The following ZNF385D variants were observed in gnomAD, a reference collection of about 807,000 sequenced individuals.
The protein encoded by ZNF385D is zinc finger protein 385D.
ZNF385D carries 15 observed loss-of-function variants against 35.8 expected under a neutral mutation model. The observed-to-expected ratio is 0.42, with a 90% CI of 0.28 to 0.64. The LOEUF is 0.64. ZNF385D is among the 30% of genes least tolerant of loss of function. The pLI is 0.23. For synonymous variants in ZNF385D, 212 were observed against 186.8 expected (o/e 1.13, Z -1.10); for missense variants, 474 against 494.6 (o/e 0.96, Z 0.39).
chr3:22,201,047 G>A (rs1210921685), intron 2 of ZNF385D, among the ~76,000 whole-genome samples: 1 of 151,944 alleles, frequency 6.6e-6, no homozygotes, highest in East Asian at 1.9e-4. Flanking sequence ...CTCCTCAGCT[G>A]ACAAGATTAA....
intron 3 of ZNF385D, among the ~76,000 whole-genome samples, chr3:22,115,484 A>G (rs1702759185): frequency 6.6e-6 from 1 of 152,046 alleles, no homozygotes; most frequent in Non-Finnish European, 1.5e-5. Flanking sequence ...TCTCACCTTT[A>G]ATTTTATAGA....
intron 3 of ZNF385D, among the ~76,000 whole-genome samples, chr3:21,972,437 T>C (rs1703314788): frequency 6.6e-6 from 1 of 151,848 alleles, no homozygotes; most frequent in Non-Finnish European, 1.5e-5. Context: ...GCAAAAGCAG[T>C]ACTAAGAGGA....
intron 2 of ZNF385D, among the ~76,000 whole-genome samples, chr3:22,354,035 C>CT (rs113069185): frequency 0.057 from 8,694 of 151,924 alleles, 365 homozygotes; most frequent in South Asian, 0.12. Context: ...GCATTATCTT[C>CT]TTTTTTTTGG....
intron 3 of ZNF385D, among the ~76,000 whole-genome samples, chr3:22,128,962 T>C (rs766811103): frequency 6.6e-6 from 1 of 152,154 alleles, no homozygotes; most frequent in African/African-American, 2.4e-5. Context: ...CCTGTCCTAC[T>C]TGAGAAGGTT....
intron 2 of ZNF385D, among the ~76,000 whole-genome samples, chr3:22,236,417 A>G (rs974100233): frequency 2.0e-5 from 3 of 152,084 alleles, no homozygotes; most frequent in Non-Finnish European, 4.4e-5. Context: ...CTGCAGCCTC[A>G]AACTCCTGGC....
intron 4 of ZNF385D, among the ~76,000 whole-genome samples, chr3:21,437,422 A>G (rs1002963638): frequency 1.3e-5 from 2 of 152,060 alleles, no homozygotes; most frequent in Non-Finnish European, 2.9e-5. Context: ...ATTCTTGAAC[A>G]TCAATATAAA....
chr3:22,178,698 C>T (rs1448137419), intron 2 of ZNF385D, among the ~76,000 whole-genome samples: 1 of 152,130 alleles, frequency 6.6e-6, no homozygotes, highest in African/African-American at 2.4e-5. Context: ...AGGTTTTCTT[C>T]TAGGGTTTTT....
chr3:22,322,570 C>A (rs371454682), intron 2 of ZNF385D, among the ~76,000 whole-genome samples: 1 of 152,162 alleles, frequency 6.6e-6, no homozygotes, highest in African/African-American at 2.4e-5. Context: ...GCCCTTTTAA[C>A]CTGCCCAATC....
chr3:21,453,794 A>C (rs1002332063), intron 4 of ZNF385D, among the ~76,000 whole-genome samples: 6 of 152,048 alleles, frequency 3.9e-5, no homozygotes, highest in African/African-American at 1.4e-4. Flanking sequence ...CTGTGGAAAA[A>C]TTTAGTAGCT....
chr3:22,046,999 GATTA>G (rs944614095), intron 3 of ZNF385D, among the ~76,000 whole-genome samples: 4 of 152,044 alleles, frequency 2.6e-5, no homozygotes, highest in Non-Finnish European at 4.4e-5. Context: ...ACATATTTTT[GATTA>G]ATTTTCAGGT....
In ZNF385D at chr3:22,340,343, T is replaced by G. The variant is rs1369047566; in HGVS notation, c.106+32107A>C. Among the ~76,000 whole-genome samples the G allele has an allele frequency of 1.6e-4, 24 of 152,160 alleles. 1 individual carries two copies. The highest frequency in any genetic ancestry group is 3.4e-4 in the Non-Finnish European group (23 of 67,982). ...AACTTATGGCCACTTTATTCACTAATCAAACAAAAAATAAGAAGTGAGGTG... is the reference window on the plus strand; with the variant it reads ...AACTTATGGCCACTTTATTCACTAAGCAAACAAAAAATAAGAAGTGAGGTG... On this transcript the variant is annotated intron_variant, in intron 2 of 5. Coordinates refer to the ZNF385D transcript ENST00000494108.
intron 2 of ZNF385D, among the ~76,000 whole-genome samples, chr3:22,181,471 C>T (rs533000603): frequency 2.0e-5 from 3 of 151,828 alleles, no homozygotes; most frequent in Admixed American, 6.6e-5. Context: ...CCGAGGCGGG[C>T]GGATCACGAG....
At chr3:21,511,119 G>A in intron 3 of ZNF385D, 96 bp from the exon 4 acceptor site, 2 of 1,472,326 alleles carry the variant, frequency 1.4e-6, no homozygotes, top group Non-Finnish European at 1.8e-6. Context: ...TCAATAACAG[G>A]TACCATTCGA....
intron 3 of ZNF385D, among the ~76,000 whole-genome samples, chr3:22,153,272 G>A (rs897448097): frequency 6.6e-6 from 1 of 151,952 alleles, no homozygotes; most frequent in African/African-American, 2.4e-5. Context: ...TTCCCCTGAG[G>A]TCCAATTAGG....
intron 2 of ZNF385D, among the ~76,000 whole-genome samples, chr3:22,232,443 T>C (rs1359977749): frequency 6.6e-6 from 1 of 152,152 alleles, no homozygotes; most frequent in African/African-American, 2.4e-5. Context: ...TGTGCAGTTT[T>C]GTTACATAGG....
intron 2 of ZNF385D, among the ~76,000 whole-genome samples, chr3:21,636,654 T>C (rs2065460011): frequency 6.6e-6 from 1 of 151,662 alleles, no homozygotes; most frequent in African/African-American, 2.4e-5. Context: ...GCTGATTAGA[T>C]TGTGCCCACC....
At chr3:21,425,695 A>AAGGAAAGGAGGG in intron 5 of ZNF385D, 25 bp from the exon 6 acceptor site, 2 of 1,479,264 alleles carry the variant, frequency 1.4e-6, no homozygotes, top group Middle Eastern at 1.8e-4. Flanking sequence ...GAAATGAAGG[A>AAGGAAAGGAGGG]AGGAAAGGAG....
At chr3:21,566,554 C>CAGAT (rs2063154329) in intron 2 of ZNF385D, among the ~76,000 whole-genome samples, 1 of 152,024 alleles carries the variant, frequency 6.6e-6, no homozygotes, top group South Asian at 2.1e-4. Flanking sequence ...CGCTTGAACC[C>CAGAT]AGATTGCAGT....
At chr3:21,564,449 G>A in intron 3 of ZNF385D, 125 bp downstream of exon 3, 2 of 517,330 alleles carry the variant, frequency 3.9e-6, no homozygotes, top group Non-Finnish European at 3.2e-6. Context: ...GAGTTAAAAT[G>A]TTATCTTTGA....
Sources: gnomAD v4.1 joint callset for allele counts (sites outside exome capture counted in the v4.1 genomes callset) on GRCh38, gnomAD v4.1.1 for gene constraint, MANE v1.5 for transcripts, NCBI Gene and HGNC (gene_info 2026-07-23, HGNC 2026-07-21) for gene names.